PRKG1: variants seen among roughly 807,000 people sequenced by gnomAD.
PRKG1 encodes the protein protein kinase cGMP-dependent 1.
PRKG1 carries 35 observed loss-of-function variants against 88.1 expected under a neutral mutation model. The observed-to-expected ratio is 0.40, with a 90% CI of 0.30 to 0.53. PRKG1 has a LOEUF of 0.53. Among genes scored for constraint, PRKG1 ranks in the 20% least tolerant of loss-of-function variants. The pLI is 0.59. For synonymous variants in PRKG1, 303 were observed against 292.5 expected (o/e 1.04, Z -0.37); for missense variants, 540 against 839.8 (o/e 0.64, Z 4.41).
At chr10:52,253,215 C>G (rs1358149605) in intron 10 of PRKG1, among the ~76,000 whole-genome samples, 3 of 151,548 alleles carry the variant, frequency 2.0e-5, no homozygotes, top group Non-Finnish European at 4.4e-5. Flanking sequence ...GACAATAAAA[C>G]TACTATTTTT....
At chr10:51,563,797 C>T (rs1837531436) in intron 3 of PRKG1, among the ~76,000 whole-genome samples, 1 of 152,090 alleles carries the variant, frequency 6.6e-6, no homozygotes, top group Non-Finnish European at 1.5e-5. Flanking sequence ...ACTATGTTGA[C>T]CTCTGCAAAG....
intron 2 of PRKG1, among the ~76,000 whole-genome samples, chr10:51,213,319 G>T (rs1838282590): frequency 6.6e-6 from 1 of 152,132 alleles, no homozygotes; most frequent in Non-Finnish European, 1.5e-5. Flanking sequence ...ACTGTTGTGG[G>T]GTTGGGGGAG....
intron 3 of PRKG1, among the ~76,000 whole-genome samples, chr10:51,760,637 A>G (rs1837996055): frequency 6.6e-6 from 1 of 151,902 alleles, no homozygotes; most frequent in African/African-American, 2.4e-5. Context: ...ACACCCAGCT[A>G]ATTTTTATAT....
At chr10:51,852,662 T>G (rs1438054407) in intron 4 of PRKG1, among the ~76,000 whole-genome samples, 2 of 152,170 alleles carry the variant, frequency 1.3e-5, no homozygotes, top group Non-Finnish European at 2.9e-5. Context: ...ATAAGAATAC[T>G]GCATATATAC....
chr10:52,032,225 C>G (rs1845492237), intron 5 of PRKG1, among the ~76,000 whole-genome samples: 1 of 152,064 alleles, frequency 6.6e-6, no homozygotes, highest in Non-Finnish European at 1.5e-5. Flanking sequence ...TGTTACTAAC[C>G]TGTTCTTTTT....
intron 4 of PRKG1, among the ~76,000 whole-genome samples, chr10:51,905,263 G>T (rs979039603): frequency 3.7e-4 from 56 of 152,066 alleles, no homozygotes; most frequent in African/African-American, 1.3e-3. Flanking sequence ...CAGTAAATCT[G>T]GTGCAACAGA....
intron 2 of PRKG1, among the ~76,000 whole-genome samples, chr10:51,398,583 G>T (rs293231): frequency 1.3e-5 from 2 of 152,174 alleles, no homozygotes; most frequent in Non-Finnish European, 2.9e-5. Context: ...TAACTGGATT[G>T]TTTTTTGTCC....
At chr10:51,640,671 G>A (rs895553166) in intron 3 of PRKG1, among the ~76,000 whole-genome samples, 1 of 152,122 alleles carries the variant, frequency 6.6e-6, no homozygotes, top group African/African-American at 2.4e-5. Context: ...GAGATTTAAG[G>A]CTGAGATTTG....
chr10:51,641,722 A>T (rs1164561231), intron 3 of PRKG1, among the ~76,000 whole-genome samples: 1 of 152,138 alleles, frequency 6.6e-6, no homozygotes, highest in Non-Finnish European at 1.5e-5. Context: ...GCTCACTGCT[A>T]ACCTCCCACC....
intron 6 of PRKG1, among the ~76,000 whole-genome samples, chr10:52,060,037 A>G (rs1294136812): frequency 1.3e-5 from 2 of 151,750 alleles, no homozygotes; most frequent in African/African-American, 2.4e-5. Flanking sequence ...ATCAAGACCT[A>G]TTATAAGGTT....
intron 2 of PRKG1, among the ~76,000 whole-genome samples, chr10:51,449,704 A>G (rs1337984600): frequency 7.9e-6 from 1 of 126,378 alleles, no homozygotes; most frequent in Non-Finnish European, 1.8e-5. Context: ...TTTTATGAAA[A>G]AGCCATCTCT....
intron 1 of PRKG1, among the ~76,000 whole-genome samples, chr10:51,144,924 T>C (rs899337372): frequency 9.2e-5 from 14 of 152,236 alleles, no homozygotes; most frequent in Admixed American, 6.5e-5. Flanking sequence ...AATCATGCTG[T>C]ATTTCTGCCA....
In PRKG1 at chr10:50,991,667, C is replaced by G. The variant is rs1038240012; in HGVS notation, c.266+23C>G. 8.2e-6 allele frequency: 12 copies of G among 1,456,738 alleles called. No homozygotes were observed. The African/African-American group carries it at 1.5e-4, about 18-fold the overall frequency. 90.2% of individuals were successfully genotyped at this position (1,456,738 alleles called of 1,614,324 possible). On this transcript the variant is annotated intron_variant, in intron 1 of 17. Transcript: ENST00000401604. This position sits in a 1 kb window ranked among gnomAD's most constrained non-coding sequence, Gnocchi z 4.5. ...AAGGTAGGCGCGGAGGCCGTGGGCC[C>G]GGGCGCTCGTCCCGGCCCGCGGCGC...
At chr10:51,698,429 C>A (rs1252295206) in intron 3 of PRKG1, 2 of 1,613,948 alleles carry the variant, frequency 1.2e-6, no homozygotes, top group African/African-American at 1.3e-5. Context: ...TGAGGAAGGG[C>A]CACGAGTGTC....
chr10:52,277,725 C>T (rs944236710), intron 12 of PRKG1, among the ~76,000 whole-genome samples: 2 of 152,130 alleles, frequency 1.3e-5, no homozygotes, highest in South Asian at 2.1e-4. Context: ...TTTGTATTAG[C>T]ATTTTTCCAT....
intron 5 of PRKG1, among the ~76,000 whole-genome samples, chr10:51,960,729 T>A (rs940163465): frequency 6.6e-6 from 1 of 152,156 alleles, no homozygotes; most frequent in Admixed American, 6.6e-5. Context: ...AAATGGGAGA[T>A]GAATCACGTG....
At chr10:51,375,547 A>G (rs1483948170) in intron 2 of PRKG1, among the ~76,000 whole-genome samples, 1 of 152,152 alleles carries the variant, frequency 6.6e-6, no homozygotes, top group Non-Finnish European at 1.5e-5. Flanking sequence ...TCAGCACTCA[A>G]AAAGTTTCAG....
At chr10:52,131,626 C>T (rs554950827) in intron 7 of PRKG1, among the ~76,000 whole-genome samples, 5 of 151,492 alleles carry the variant, frequency 3.3e-5, no homozygotes, top group African/African-American at 1.2e-4. Flanking sequence ...GCGGGTGGAT[C>T]CCCTGAGGTC....
chr10:52,211,710 A>G (rs1203597936), intron 9 of PRKG1, among the ~76,000 whole-genome samples: 2 of 151,558 alleles, frequency 1.3e-5, no homozygotes, highest in African/African-American at 4.8e-5. Context: ...AAAAAAAAAA[A>G]AAAAAAAGAA....
Sources: gnomAD v4.1 joint callset for allele counts (sites outside exome capture counted in the v4.1 genomes callset) on GRCh38, gnomAD v4.1.1 for gene constraint, Gnocchi (gnomAD v3.1) non-coding constraint, MANE v1.5 for transcripts, NCBI Gene and HGNC (gene_info 2026-07-23, HGNC 2026-07-21) for gene names.